Variants in SMG6 observed in about 807,000 individuals in gnomAD.
SMG6 encodes telomerase-binding protein EST1A.
A neutral mutation model predicts 142.2 loss-of-function variants in SMG6; 66 were observed. The observed-to-expected ratio is 0.46, with a 90% CI of 0.38 to 0.57. The LOEUF is 0.57. Ranked by LOEUF, SMG6 falls within the 20% of genes least tolerant of loss-of-function variation. SMG6 has a pLI of 0.00. For synonymous variants in SMG6, 779 were observed against 702.4 expected, an observed-to-expected ratio of 1.11 and a Z score of -1.72; for missense variants, 1,793 against 1,832.0, an observed-to-expected ratio of 0.98 and a Z score of 0.39.
In SMG6 at chr17:2,068,746, C is replaced by G; in HGVS notation, c.3835+32G>C. The G allele has an allele frequency of 6.2e-7, 1 of 1,606,026 alleles. No homozygotes were observed. Among genetic ancestry groups the G allele is most frequent in the South Asian group, 1.1e-5 (1 of 89,746 alleles). ...TGTGGAGGGGGCTGCTGTGCACATG[C>G]AAGGCCGCTCTGCCCTTCCCGCCTG... On this transcript the variant is annotated intron_variant, in intron 16 of 18. Coordinates refer to ENST00000263073, the MANE Select transcript of SMG6 (RefSeq NM_017575.5). The surrounding 1 kb of genome is among the most constrained non-coding windows in gnomAD (Gnocchi z 6.7).
In SMG6 at chr17:2,139,049, A is replaced by G. The variant is rs1369672689; in HGVS notation, c.3357+33609T>C. On this transcript the variant is annotated intron_variant, in intron 13 of 18. Transcript: ENST00000263073. ...TTATGACATCTGGCTCAAGGCCAGCAGAACAAGCCAGCTCCTCTTCTAGGT... is the reference window on the plus strand; with the variant it reads ...TTATGACATCTGGCTCAAGGCCAGCGGAACAAGCCAGCTCCTCTTCTAGGT... Among the ~76,000 whole-genome samples, 5 of 152,348 alleles carry G rather than the reference A, an allele frequency of 3.3e-5. No individual in the cohort carries two copies. In the East Asian group the frequency reaches 9.6e-4, roughly 29 times the overall value.
chr17:2,131,075 T>C (rs1399458922), intron 13 of SMG6, among the ~76,000 whole-genome samples: 2 of 152,164 alleles, frequency 1.3e-5, no homozygotes, highest in Admixed American at 1.3e-4. Context: ...AATTATAAGC[T>C]CTGGCTTATT....
intron 10 of SMG6, among the ~76,000 whole-genome samples, chr17:2,205,185 C>T (rs750362118): frequency 7.9e-5 from 12 of 152,194 alleles, no homozygotes; most frequent in Admixed American, 3.3e-4. Context: ...TCTCCTGCAT[C>T]AGCCTCCCAA....
intron 13 of SMG6, among the ~76,000 whole-genome samples, chr17:2,126,854 A>C (rs747902889): frequency 4.1e-4 from 62 of 152,150 alleles, no homozygotes; most frequent in Non-Finnish European, 7.3e-4. Context: ...GGAGTTCAAG[A>C]GAAGCTTTGA....
At chr17:2,265,143 T>C (rs1395419145) in intron 8 of SMG6, among the ~76,000 whole-genome samples, 1 of 152,116 alleles carries the variant, frequency 6.6e-6, no homozygotes, top group Non-Finnish European at 1.5e-5. Context: ...CAGGAACTGT[T>C]TGGAAGTATG....
intron 13 of SMG6, among the ~76,000 whole-genome samples, chr17:2,119,568 C>T (rs570801662): frequency 1.1e-4 from 16 of 152,138 alleles, no homozygotes; most frequent in Admixed American, 2.0e-4. Flanking sequence ...GGCACGATCT[C>T]GGCTCACTGC....
intron 13 of SMG6, among the ~76,000 whole-genome samples, chr17:2,115,318 C>A (rs1376166307): frequency 6.6e-6 from 1 of 151,912 alleles, no homozygotes; most frequent in African/African-American, 2.4e-5. Flanking sequence ...TAGACTGGCC[C>A]TAGTAAGGAT....
intron 10 of SMG6, among the ~76,000 whole-genome samples, chr17:2,191,180 C>T (rs1418423607): frequency 1.3e-5 from 2 of 152,232 alleles, no homozygotes; most frequent in East Asian, 3.8e-4. Flanking sequence ...AACTTGGATC[C>T]AGTGCCTCAA....
At chr17:2,141,360 AAC>A (rs1411452481) in intron 13 of SMG6, among the ~76,000 whole-genome samples, 1 of 152,232 alleles carries the variant, frequency 6.6e-6, no homozygotes, top group Non-Finnish European at 1.5e-5. Flanking sequence ...ATATAGAAAA[AAC>A]AGACTTTGTG....
Position 2,147,337 on chromosome 17 carries a change from G to A in SMG6, c.3357+25321C>T, listed in dbSNP as rs542425892. The stretch of plus-strand genomic sequence containing the variant: ...GAACCTGGGAGGCAGAGGTTGCAGT[G>A]AGCCAGGATTGCACCACTGCACTCC... On this transcript the variant is annotated intron_variant, in intron 13 of 18. Coordinates refer to ENST00000263073, the MANE Select transcript of SMG6 (RefSeq NM_017575.5). Among the ~76,000 whole-genome samples the A allele has an allele frequency of 1.2e-4, 18 of 152,244 alleles. No individual in the cohort carries two copies. The South Asian group carries it at 3.7e-3, about 32-fold the overall frequency.
chr17:2,134,787 CT>C (rs2070238178), intron 13 of SMG6, among the ~76,000 whole-genome samples: 1 of 152,132 alleles, frequency 6.6e-6, no homozygotes, highest in African/African-American at 2.4e-5. Context: ...TGATTCATTC[CT>C]AATTAAATGG....
At chr17:2,238,654 G>A (rs888532338) in intron 9 of SMG6, among the ~76,000 whole-genome samples, 9 of 152,164 alleles carry the variant, frequency 5.9e-5, no homozygotes, top group South Asian at 2.1e-4. Flanking sequence ...AGCACAGAAC[G>A]ACAGGACAGA....
chr17:2,203,901 G>A (rs1293910761), intron 10 of SMG6, among the ~76,000 whole-genome samples: 1 of 152,158 alleles, frequency 6.6e-6, no homozygotes, highest in Non-Finnish European at 1.5e-5. Context: ...AGGCAGAGGG[G>A]CAGGGAAGTG....
chr17:2,232,950 T>C (rs763309912), intron 10 of SMG6: 2 of 152,216 alleles, frequency 1.3e-5, no homozygotes, highest in African/African-American at 4.8e-5. Context: ...CCTTCTGCAG[T>C]GTCCAAAGCT....
intron 8 of SMG6, among the ~76,000 whole-genome samples, chr17:2,253,939 C>A (rs1419907569): frequency 6.6e-6 from 1 of 152,194 alleles, no homozygotes; most frequent in African/African-American, 2.4e-5. Context: ...GGCCAGAGGG[C>A]TCCTGGACGT....
At chr17:2,152,510 AAAT>A (rs2070857649) in intron 13 of SMG6, among the ~76,000 whole-genome samples, 1 of 152,252 alleles carries the variant, frequency 6.6e-6, no homozygotes. Flanking sequence ...CTCAGTAAGA[AAAT>A]AATCCGATTT....
intron 9 of SMG6, 86 bp from the exon 10 acceptor site, chr17:2,236,723 A>T: frequency 7.6e-7 from 1 of 1,315,614 alleles, no homozygotes; most frequent in Non-Finnish European, 1.0e-6. Context: ...ACACACACAC[A>T]CACACACACA....
intron 13 of SMG6, among the ~76,000 whole-genome samples, chr17:2,118,494 G>C (rs558652139): frequency 7.2e-5 from 11 of 152,116 alleles, no homozygotes; most frequent in African/African-American, 2.4e-4. Flanking sequence ...AGCCAAGATC[G>C]TGCCACTGCA....
chr17:2,202,781 C>T (rs2072569455), intron 10 of SMG6, among the ~76,000 whole-genome samples: 1 of 152,214 alleles, frequency 6.6e-6, no homozygotes, highest in South Asian at 2.1e-4. Flanking sequence ...AACAAAGAAA[C>T]TCAACCTCAG....
Sources: gnomAD v4.1 joint callset for allele counts (sites outside exome capture counted in the v4.1 genomes callset) on GRCh38, gnomAD v4.1.1 for gene constraint, Gnocchi (gnomAD v3.1) non-coding constraint, MANE v1.5 for transcripts, NCBI Gene and HGNC (gene_info 2026-07-23, HGNC 2026-07-21) for gene names.